CADM2: variants seen among roughly 807,000 people sequenced by gnomAD.
The protein encoded by CADM2 is immunoglobulin superfamily member 4D.
A neutral mutation model predicts 49.8 loss-of-function variants in CADM2; 12 were observed. The ratio of observed to expected loss-of-function variants is 0.24; its 90% CI spans 0.15 to 0.39. The LOEUF (loss-of-function observed/expected upper bound fraction) is 0.39. Ranked by LOEUF, CADM2 falls within the 10% of genes least tolerant of loss-of-function variation. The probability of loss-of-function intolerance (pLI) is 1.00; values close to 1 mark genes in which losing one functional copy is unlikely to be tolerated. For missense variants in CADM2, 378 were observed against 492.3 expected, an observed-to-expected ratio of 0.77 and a Z score of 2.20; for synonymous variants, 214 against 175.4, an observed-to-expected ratio of 1.22 and a Z score of -1.74.
intron 2 of CADM2, among the ~76,000 whole-genome samples, chr3:85,772,127 G>A (rs1430277867): frequency 6.6e-6 from 1 of 150,728 alleles, no homozygotes; most frequent in African/African-American, 2.4e-5. Flanking sequence ...GTTGAGGTTA[G>A]CAAGATCAGT....
At chr3:85,107,888 A>G (rs1288149905) in intron 1 of CADM2, among the ~76,000 whole-genome samples, 2 of 151,166 alleles carry the variant, frequency 1.3e-5, no homozygotes, top group Non-Finnish European at 3.0e-5. Context: ...TTTAGTATAG[A>G]TAGGGTTTTG....
intron 1 of CADM2, among the ~76,000 whole-genome samples, chr3:85,618,326 A>G (rs748824814): frequency 9.9e-5 from 15 of 152,158 alleles, no homozygotes; most frequent in Non-Finnish European, 2.1e-4. Context: ...GAACAGCCCA[A>G]GACTAGGTAT....
intron 1 of CADM2, among the ~76,000 whole-genome samples, chr3:85,333,205 G>C (rs1335382886): frequency 6.6e-6 from 1 of 151,574 alleles, no homozygotes; most frequent in Non-Finnish European, 1.5e-5. Context: ...ATGGATAACT[G>C]TATGAATGAA....
chr3:85,944,985 A>G (rs1167503635), intron 7 of CADM2, among the ~76,000 whole-genome samples: 1 of 152,138 alleles, frequency 6.6e-6, no homozygotes, highest in Non-Finnish European at 1.5e-5. Context: ...CGGTGAATCC[A>G]GGAGCTGGTT....
Position 85,928,376 on chromosome 3 carries a change from C to CT in CADM2, c.701-7389dup, listed in dbSNP as rs1240227986. 3.3e-5 allele frequency among the ~76,000 whole-genome samples: 5 copies of CT among 152,206 alleles called. No individual in the cohort carries two copies. The East Asian group carries it at 9.7e-4, about 30-fold the overall frequency. ...GTTTCACCATGTTGGGCAGAATAGT[C>CT]TTGATCTCCTGACCTCATGATCCGT... On this transcript the variant is annotated intron_variant, in intron 6 of 9. Coordinates refer to ENST00000383699, the MANE Select transcript of CADM2 (RefSeq NM_001167675.2).
chr3:85,743,031 A>G (rs1426856983), intron 2 of CADM2, among the ~76,000 whole-genome samples: 1 of 152,026 alleles, frequency 6.6e-6, no homozygotes, highest in Non-Finnish European at 1.5e-5. Flanking sequence ...AGCATCTCAC[A>G]CTACTCTCTG....
At chr3:84,967,376 AT>A (rs1166850304) in intron 1 of CADM2, among the ~76,000 whole-genome samples, 8 of 152,118 alleles carry the variant, frequency 5.3e-5, no homozygotes, top group African/African-American at 1.9e-4. Flanking sequence ...TGTATCCCCC[AT>A]GGGGGAAAGT....
At chr3:85,133,856 G>T (rs2039320983) in intron 1 of CADM2, among the ~76,000 whole-genome samples, 2 of 152,232 alleles carry the variant, frequency 1.3e-5, no homozygotes, top group African/African-American at 2.4e-5. Flanking sequence ...CGCGCCGTGC[G>T]CCCGCGCTCC....
At chr3:85,675,561 AG>A (rs1002368852) in intron 1 of CADM2, among the ~76,000 whole-genome samples, 1 of 152,150 alleles carries the variant, frequency 6.6e-6, no homozygotes, top group Admixed American at 6.5e-5. Flanking sequence ...CTCATGCACA[AG>A]CATCTAACAC....
intron 5 of CADM2, among the ~76,000 whole-genome samples, chr3:85,892,668 T>C (rs946633436): frequency 6.6e-6 from 1 of 152,204 alleles, no homozygotes. Context: ...TGTGAGTCCA[T>C]TAACCCTCTT....
rs116952714 is a variant in CADM2, at chr3:85,047,335, G to A, written c.61+87667G>A. ...GAGAACACGGTATAGTGCAAATCCTGACGGTAGGTTCTACAATTATGCTAA... is the reference window on the plus strand; with the variant it reads ...GAGAACACGGTATAGTGCAAATCCTAACGGTAGGTTCTACAATTATGCTAA... On this transcript the variant is annotated intron_variant, in intron 1 of 9. Transcript: ENST00000383699. Among the ~76,000 whole-genome samples, 222 of 152,186 alleles carry A rather than the reference G, an allele frequency of 1.5e-3. 4 individuals carry two copies. In the East Asian group the frequency reaches 0.04, roughly 27 times the overall value.
intron 1 of CADM2, among the ~76,000 whole-genome samples, chr3:85,203,760 T>C (rs1029627434): frequency 6.6e-6 from 1 of 152,206 alleles, no homozygotes; most frequent in Non-Finnish European, 1.5e-5. Flanking sequence ...TCTTACTAGC[T>C]CTAGCTAAGT....
intron 1 of CADM2, among the ~76,000 whole-genome samples, chr3:85,528,806 GTTTA>G (rs2061231499): frequency 1.3e-5 from 2 of 152,096 alleles, no homozygotes; most frequent in African/African-American, 4.8e-5. Flanking sequence ...TACTAGTGTT[GTTTA>G]TTTCTTTCTT....
At position 86,072,616 on chromosome 3, in the gene CADM2, C is replaced by A. The variant is rs1703346733; in HGVS notation, c.*5833C>A. 2 of 151,992 alleles carry A rather than the reference C, an allele frequency of 1.3e-5. No homozygotes were observed. Among genetic ancestry groups the A allele is most frequent in the South Asian group, 2.1e-4 (1 of 4,828 alleles). The allele number at this position is 151,992 out of a possible 1,614,324, so 9.4% of individuals were successfully genotyped here. A position where few individuals can be genotyped will look rare whatever the true frequency, so the allele number is the denominator to read the frequency against. ...GGTATGAAATGCAACATTACGCTTACAAACAGTACTGTCAAACCTCAAATG... is the reference window on the plus strand; with the variant it reads ...GGTATGAAATGCAACATTACGCTTAAAAACAGTACTGTCAAACCTCAAATG... On this transcript the variant is annotated 3_prime_UTR_variant, in exon 10 of 10. Transcript: ENST00000383699.
chr3:85,215,946 TGAGGGAGGAG>T (rs1242235572), intron 1 of CADM2, among the ~76,000 whole-genome samples: 41 of 152,202 alleles, frequency 2.7e-4, no homozygotes, highest in African/African-American at 8.4e-4. Context: ...TGCTAGAGAA[TGAGGGAGGAG>T]GAGGGATGGT....
intron 1 of CADM2, among the ~76,000 whole-genome samples, chr3:85,230,611 C>T (rs1001565173): frequency 5.3e-5 from 8 of 152,116 alleles, no homozygotes; most frequent in African/African-American, 1.9e-4. Flanking sequence ...AGAGAAGCAC[C>T]TCTATCAAAT....
chr3:84,996,696 T>C (rs2033196428), intron 1 of CADM2, among the ~76,000 whole-genome samples: 1 of 152,096 alleles, frequency 6.6e-6, no homozygotes, highest in Non-Finnish European at 1.5e-5. Context: ...TGCCCTTTTG[T>C]CTGGTAACTT....
At chr3:85,532,812 G>C (rs990477691) in intron 1 of CADM2, among the ~76,000 whole-genome samples, 1 of 152,186 alleles carries the variant, frequency 6.6e-6, no homozygotes, top group African/African-American at 2.4e-5. Flanking sequence ...ATATGCCATG[G>C]AATACTATGC....
intron 1 of CADM2, chr3:84,960,579 G>C (rs962380497): frequency 6.6e-6 from 1 of 151,462 alleles, no homozygotes; most frequent in African/African-American, 2.4e-5. Context: ...TCCTCTCTCT[G>C]CCGCTTCTTT....
Sources: gnomAD v4.1 joint callset for allele counts (sites outside exome capture counted in the v4.1 genomes callset) on GRCh38, gnomAD v4.1.1 for gene constraint, MANE v1.5 for transcripts, NCBI Gene and HGNC (gene_info 2026-07-23, HGNC 2026-07-21) for gene names.